Variants in KRT34 observed in about 807,000 individuals in gnomAD.
The protein encoded by KRT34 is keratin, type I cuticular Ha4.
In KRT34, 31 loss-of-function variants were observed where a neutral mutation model predicts 41.7. The observed-to-expected ratio is 0.74, with a 90% confidence interval of 0.56 to 1.00. The LOEUF (loss-of-function observed/expected upper bound fraction) is 1.00, where lower values mean the gene tolerates loss of function less well. Among genes scored for constraint, KRT34 ranks in the 50% least tolerant of loss-of-function variants. KRT34 has a pLI of 0.00. For missense variants in KRT34, 523 were observed against 500.3 expected, an observed-to-expected ratio of 1.05 and a Z score of -0.43; for synonymous variants, 224 against 212.9, an observed-to-expected ratio of 1.05 and a Z score of -0.45.
In KRT34 at chr17:41,379,130, C is replaced by T. The variant is rs1314977614; in HGVS notation, c.923G>A (p.Ser308Asn). The T allele has an allele frequency of 6.2e-7, 1 of 1,614,112 alleles. No homozygotes were observed. Among genetic ancestry groups the T allele is most frequent in the Non-Finnish European group, 8.5e-7 (1 of 1,180,056 alleles). Residue 308 changes from serine (S) to asparagine (N), a missense_variant, in exon 6 of 7, where the codon AGC becomes AAC. Transcript: ENST00000394001. The stretch of plus-strand genomic sequence containing the variant: ...GCTCTGCACCTGGGACAGCTGGGAG[C>T]TGTAGTGGGCCTCGCTCTCCGTCAG... ...NTLTESEAHY[S>N]SQLSQVQSLI...
At position 41,379,094 on chromosome 17, in the gene KRT34, T is replaced by G. The variant is rs766453950; in HGVS notation, c.959A>C (p.Asn320Thr). 1.7e-5 allele frequency: 27 copies of G among 1,614,062 alleles called. No homozygotes were observed. The highest frequency in any genetic ancestry group is 6.8e-6 in the Non-Finnish European group (8 of 1,180,038). ...GATCTCTGCCAGCTGAGACTCCACG[T>G]TGGTGATCAGGCTCTGCACCTGGGA... ...QLSQVQSLITNVESQLAEIRC... is the reference protein window; with the variant it reads ...QLSQVQSLITTVESQLAEIRC... Residue 320 changes from asparagine to threonine, a missense_variant, in exon 6 of 7, where the codon AAC becomes ACC. Transcript: ENST00000394001.
At position 41,381,197 on chromosome 17, in the gene KRT34, C is replaced by A; in HGVS notation, c.447G>T (p.Gln149His). Residue 149 changes from glutamine (Q) to histidine (H), a missense_variant, in exon 3 of 7, where the codon CAG (glutamine) becomes CAT (histidine). Transcript: ENST00000394001. Reference protein sequence around the residue: ...DDFRSKYQTEQSLRLLVESDI... With the variant: ...DDFRSKYQTEHSLRLLVESDI... ...CCGACTCCACCAACAGCCTCAGGGA[C>A]TGCTCCGTCTGGTACCTGCACGTGT... The A allele has an allele frequency of 6.2e-7, 1 of 1,614,130 alleles. No individual in the cohort carries two copies. The highest frequency in any genetic ancestry group is 8.5e-7 in the Non-Finnish European group (1 of 1,180,010).
chr17:41,379,639 C>T lies in KRT34; in HGVS notation c.681G>A (p.Glu227=), dbSNP rs1258555475. The change falls in exon 4 of 7, where the codon GAG becomes GAA. Residue 227 remains glutamate (E), a synonymous_variant. Transcript: ENST00000394001. ...CCAGAGCCTCATACTGACTCCTGGT[C>T]TCGTTCAGGACCTGGTTCAGGTCCA... is the stretch of plus-strand genomic sequence containing the variant. ...PTVDLNQVLN[E]TRSQYEALVE... The T allele has an allele frequency of 1.9e-6, 3 of 1,614,160 alleles. No homozygotes were observed. Among genetic ancestry groups the T allele is most frequent in the East Asian group, 2.2e-5 (1 of 44,870 alleles).
chr17:41,381,097 G>A lies in KRT34; in HGVS notation c.547C>T (p.Leu183=). 1 of 1,614,120 alleles carries A rather than the reference G, an allele frequency of 6.2e-7. No homozygotes were observed. The highest frequency in any genetic ancestry group is 8.5e-7 in the Non-Finnish European group (1 of 1,180,000). The change falls in exon 3 of 7, where the codon CTG becomes TTG. Residue 183 remains leucine, a synonymous_variant. Transcript: ENST00000394001. ...KSDLESQVES[L]REELICLKKN... ...TTCAAGCAGATCAGCTCCTCCCTCA[G>A]GGACTCCACCTGGGACTCCAGGTCA...
intron 3 of KRT34, among the ~76,000 whole-genome samples, chr17:41,380,539 T>A (rs932983935): frequency 9.9e-5 from 15 of 152,138 alleles, no homozygotes; most frequent in African/African-American, 3.6e-4. Flanking sequence ...ACCTCTTCCC[T>A]CAGACTGAAA....
chr17:41,382,437 A>T, upstream of KRT34: 1 of 1,328,268 alleles, frequency 7.5e-7, no homozygotes, highest in South Asian at 1.3e-5. Context: ...GCTTCTAAAG[A>T]GTCCCCCCTC....
At chr17:41,381,322 C>T (rs572222029) in intron 2 of KRT34, 110 bp from the exon 3 acceptor site, 20 of 1,160,238 alleles carry the variant, frequency 1.7e-5, no homozygotes, top group Non-Finnish European at 2.0e-5. Flanking sequence ...AGTTTTCTGC[C>T]TCTTCTCTTC....
upstream of KRT34, among the ~76,000 whole-genome samples, chr17:41,383,611 C>T (rs111420217): frequency 1.5e-3 from 235 of 152,232 alleles, 1 homozygote; most frequent in African/African-American, 5.2e-3. Flanking sequence ...CACCAAGAAA[C>T]GAAAATTGGA....
At chr17:41,382,468 T>C (rs960543290), upstream of KRT34, 1 of 1,009,464 alleles carries the variant, frequency 9.9e-7, no homozygotes, top group African/African-American at 1.6e-5. Flanking sequence ...ATTATTCCAT[T>C]CAGCTTATGT....
At chr17:41,378,475 G>A (rs967661195) in intron 6 of KRT34, among the ~76,000 whole-genome samples, 3 of 152,044 alleles carry the variant, frequency 2.0e-5, no homozygotes, top group Admixed American at 2.0e-4. Flanking sequence ...ATTTTTGGTA[G>A]CGATGGGGTT....
At chr17:41,379,299 G>A (rs201011716) in intron 5 of KRT34, 54 bp downstream of exon 5, 208 of 1,611,760 alleles carry the variant, frequency 1.3e-4, no homozygotes, top group Middle Eastern at 1.8e-4. Context: ...CACATCCCCG[G>A]GACTCTGCCT....
intron 6 of KRT34, 50 bp from the exon 7 acceptor site, chr17:41,378,196 A>C (rs1442148864): frequency 6.8e-6 from 8 of 1,179,178 alleles, no homozygotes; most frequent in Non-Finnish European, 1.0e-5. Flanking sequence ...GTTTTAATGC[A>C]CACAATACCT....
At position 41,382,250 on chromosome 17, in the gene KRT34, GC is replaced by G; in HGVS notation, c.-5del. 1 of 1,612,904 alleles carries G rather than the reference GC, an allele frequency of 6.2e-7. No homozygotes were observed. The highest frequency in any genetic ancestry group is 8.5e-7 in the Non-Finnish European group (1 of 1,180,036). ...GCAGGCAACAACTGTAAGACATGGT[GC>G]TGGAACAGGTAATGGAAAAGCAGGT... On this transcript the variant is annotated 5_prime_UTR_variant, in exon 1 of 7. Transcript: ENST00000394001.
chr17:41,382,172 G>A lies in KRT34; in HGVS notation c.75C>T (p.Ser25=). The A allele has an allele frequency of 6.2e-7, 1 of 1,612,404 alleles. No individual in the cohort carries two copies. The highest frequency in any genetic ancestry group is 8.5e-7 in the Non-Finnish European group (1 of 1,180,030). The part of the protein sequence containing the change: ...SCSSRPCVPP[S]CHGYTLPGAC... The stretch of plus-strand genomic sequence containing the variant: ...CCCCAGGCAGGGTGTAGCCGTGGCA[G>A]CTGGGGGGCACGCAGGGCCGGGAGG... The change falls in exon 1 of 7, where the codon AGC becomes AGT. Residue 25 remains serine (S), a synonymous_variant. Coordinates refer to ENST00000394001, the MANE Select transcript of KRT34 (RefSeq NM_001386014.1).
At position 41,377,790 on chromosome 17, in the gene KRT34, A is replaced by AG; in HGVS notation, c.*268dup. On this transcript the variant is annotated 3_prime_UTR_variant, in exon 7 of 7. Transcript: ENST00000394001. ...AGTACGTTCAGGAAACACCTTAAGT[A>AG]GTAACTGGAGCTCAGATTACAGGGA... The AG allele has an allele frequency of 2.3e-6, 1 of 444,128 alleles. No individual in the cohort carries two copies. 27.5% of individuals were successfully genotyped at this position (444,128 alleles called of 1,614,324 possible).
intron 2 of KRT34, 108 bp downstream of exon 2, chr17:41,381,605 C>G (rs2017986139): frequency 2.1e-6 from 2 of 972,490 alleles, no homozygotes; most frequent in African/African-American, 3.2e-5. Context: ...TTTTACATAA[C>G]CAGCCCTAGG....
Position 41,379,400 on chromosome 17 carries a change from G to T in KRT34, c.829C>A (p.Arg277Ser), listed in dbSNP as rs777623549. ...TCGATCTCCAGGGCGTTGACTGTGCGTCTCAGCTCGATGATCTCCGCCTGG... is the reference window on the plus strand; with the variant it reads ...TCGATCTCCAGGGCGTTGACTGTGCTTCTCAGCTCGATGATCTCCGCCTGG... Reference protein sequence around the residue: ...SCQAEIIELRRTVNALEIELQ... With the variant: ...SCQAEIIELRSTVNALEIELQ... Residue 277 changes from arginine (R) to serine (S), a missense_variant, in exon 5 of 7, where the codon CGC (arginine) becomes AGC (serine). By Grantham distance (110) the Arg-to-Ser change is moderately radical. Transcript: ENST00000394001. The T allele has an allele frequency of 1.2e-6, 2 of 1,613,560 alleles. No homozygotes were observed. Among genetic ancestry groups the T allele is most frequent in the Non-Finnish European group, 1.7e-6 (2 of 1,180,042 alleles).
rs867697892 is a variant in KRT34, at chr17:41,377,733, G to A, written c.*326C>T. 53 of 299,672 alleles carry A rather than the reference G, an allele frequency of 1.8e-4. No homozygotes were observed. Among genetic ancestry groups the A allele is most frequent in the Middle Eastern group, 9.1e-4 (1 of 1,098 alleles). 18.6% of individuals were successfully genotyped at this position (299,672 alleles called of 1,614,324 possible). On this transcript the variant is annotated 3_prime_UTR_variant, in exon 7 of 7. Coordinates refer to ENST00000394001, the MANE Select transcript of KRT34 (RefSeq NM_001386014.1). The stretch of plus-strand genomic sequence containing the variant: ...GTCTCCTCCTTGCATTCCAGAGAAT[G>A]CCAAAGAAAAAAGGAAAACAGGAAA...
intron 6 of KRT34, 90 bp downstream of exon 6, chr17:41,378,866 C>A: frequency 6.5e-7 from 1 of 1,538,340 alleles, no homozygotes. Context: ...ATGTGTGTTG[C>A]CTGACTAGTT....
Sources: allele counts gnomAD v4.1 joint callset (sites outside exome capture counted in the v4.1 genomes callset), GRCh38; gene constraint gnomAD v4.1.1; transcripts MANE v1.5; gene names NCBI Gene and HGNC (gene_info 2026-07-23, HGNC 2026-07-21).